Variants in MYO3A observed in about 807,000 individuals in gnomAD.
The protein encoded by MYO3A is myosin IIIA.
Under a neutral mutation model 192.7 loss-of-function variants are expected in MYO3A, and 180 were observed. The observed-to-expected ratio is 0.93, with a 90% CI of 0.83 to 1.06. The LOEUF (loss-of-function observed/expected upper bound fraction) is 1.06, where lower values mean the gene tolerates loss of function less well. Among genes scored for constraint, MYO3A ranks in the 50% least tolerant of loss-of-function variants. MYO3A has a pLI of 0.00. For missense variants in MYO3A, 1,896 were observed against 1,905.0 expected (o/e 1.00, Z 0.09); for synonymous variants, 628 against 645.3 (o/e 0.97, Z 0.41).
intron 14 of MYO3A, among the ~76,000 whole-genome samples, chr10:26,075,940 T>G (rs919165938): frequency 1.3e-5 from 2 of 151,794 alleles, no homozygotes; most frequent in Admixed American, 1.3e-4. Flanking sequence ...CGATTGTAAA[T>G]TGTGCTGCTA....
chr10:25,966,270 A>T (rs1280377705), intron 4 of MYO3A, among the ~76,000 whole-genome samples: 1 of 152,156 alleles, frequency 6.6e-6, no homozygotes, highest in Non-Finnish European at 1.5e-5. Context: ...TACAGAACTG[A>T]AGTTTATTCA....
chr10:26,010,450 GTTTTTT>G (rs778349166), intron 6 of MYO3A, among the ~76,000 whole-genome samples: 2 of 111,234 alleles, frequency 1.8e-5, no homozygotes, highest in African/African-American at 3.5e-5. Context: ...CTAAGTAGTT[GTTTTTT>G]TTTTTTTTTT....
chr10:26,068,300 A>G (rs747199997), intron 11 of MYO3A, among the ~76,000 whole-genome samples: 2 of 152,178 alleles, frequency 1.3e-5, no homozygotes, highest in Non-Finnish European at 2.9e-5. Context: ...TATGAAAATT[A>G]CATTTTAAAA....
intron 20 of MYO3A, among the ~76,000 whole-genome samples, chr10:26,129,028 G>C (rs1011877766): frequency 1.3e-5 from 2 of 152,088 alleles, no homozygotes. Context: ...TTATGAATCA[G>C]CTTCAAAAAA....
intron 29 of MYO3A, 96 bp downstream of exon 29, chr10:26,170,635 A>G: frequency 7.3e-7 from 1 of 1,368,000 alleles, no homozygotes; most frequent in Non-Finnish European, 1.0e-6. Flanking sequence ...TGTACTAGTC[A>G]GGTTCCTGAT....
At chr10:26,104,380 T>C (rs1262237467) in intron 17 of MYO3A, among the ~76,000 whole-genome samples, 5 of 152,298 alleles carry the variant, frequency 3.3e-5, no homozygotes, top group South Asian at 2.1e-4. Flanking sequence ...TATTGTGAAG[T>C]AGGGATCCAG....
chr10:26,006,773 T>C (rs1034770384), intron 6 of MYO3A, among the ~76,000 whole-genome samples: 1 of 151,168 alleles, frequency 6.6e-6, no homozygotes, highest in African/African-American at 2.4e-5. Flanking sequence ...CAGGACCAGA[T>C]GGATTCACAG....
intron 2 of MYO3A, among the ~76,000 whole-genome samples, chr10:25,944,721 A>G (rs72789921): frequency 0.045 from 6,793 of 152,044 alleles, 182 homozygotes; most frequent in Non-Finnish European, 0.065. Flanking sequence ...TCTTATAATC[A>G]TTTTTAATTC....
intron 2 of MYO3A, among the ~76,000 whole-genome samples, chr10:25,948,414 G>A (rs549352862): frequency 3.9e-5 from 6 of 152,050 alleles, no homozygotes; most frequent in African/African-American, 1.2e-4. Context: ...CAAAAATGTA[G>A]CTTTGCTAGT....
intron 10 of MYO3A, among the ~76,000 whole-genome samples, chr10:26,044,742 G>A (rs1252313299): frequency 6.6e-6 from 1 of 152,160 alleles, no homozygotes; most frequent in Non-Finnish European, 1.5e-5. Flanking sequence ...AACCAATGGG[G>A]TACATATCTG....
intron 30 of MYO3A, among the ~76,000 whole-genome samples, chr10:26,175,182 C>A (rs1024289813): frequency 6.6e-6 from 1 of 152,200 alleles, no homozygotes; most frequent in Non-Finnish European, 1.5e-5. Flanking sequence ...TTTAGGGCTT[C>A]TCATGGGTAT....
chr10:26,087,884 A>G lies in MYO3A; in HGVS notation c.1360-319A>G, dbSNP rs566852774. ...TTTGGATGGGGGCCCACGCAGGTGGAGGAGGAATAACAGAATGACAGGTGT... is the reference window on the plus strand; with the variant it reads ...TTTGGATGGGGGCCCACGCAGGTGGGGGAGGAATAACAGAATGACAGGTGT... On this transcript the variant is annotated intron_variant, in intron 14 of 34. Coordinates refer to ENST00000642920, the MANE Select transcript of MYO3A (RefSeq NM_017433.5). Among the ~76,000 whole-genome samples the G allele has an allele frequency of 8.5e-5, 13 of 152,330 alleles. No individual in the cohort carries two copies. The East Asian group carries it at 1.2e-3, about 14-fold the overall frequency.
intron 26 of MYO3A, among the ~76,000 whole-genome samples, chr10:26,163,221 C>T (rs558742335): frequency 1.9e-4 from 29 of 152,308 alleles, no homozygotes; most frequent in Admixed American, 9.8e-4. Context: ...CCTTCTCCTC[C>T]GACATTCCCA....
At chr10:25,975,097 T>C (rs563140295) in intron 4 of MYO3A, among the ~76,000 whole-genome samples, 16 of 152,244 alleles carry the variant, frequency 1.1e-4, no homozygotes, top group Non-Finnish European at 2.1e-4. Flanking sequence ...TACATATTCA[T>C]GAAGGGGAGG....
At chr10:26,200,472 C>G (rs556588512) in intron 32 of MYO3A, among the ~76,000 whole-genome samples, 1 of 152,140 alleles carries the variant, frequency 6.6e-6, no homozygotes, top group Admixed American at 6.5e-5. Flanking sequence ...AAGACAAATA[C>G]GCTGTGGCAA....
At chr10:26,143,645 G>A (rs1429198608) in intron 21 of MYO3A, 44 bp downstream of exon 21, 1 of 1,602,436 alleles carries the variant, frequency 6.2e-7, no homozygotes, top group Non-Finnish European at 8.5e-7. Context: ...TATGAATAGA[G>A]TCTTGTCATT....
chr10:26,134,423 A>G (rs1049601507), intron 20 of MYO3A, among the ~76,000 whole-genome samples: 3 of 152,200 alleles, frequency 2.0e-5, no homozygotes, highest in Non-Finnish European at 2.9e-5. Context: ...TTCAAATCAT[A>G]AATCTTATTT....
intron 4 of MYO3A, among the ~76,000 whole-genome samples, chr10:25,967,751 A>G (rs1182940679): frequency 1.3e-5 from 2 of 152,242 alleles, no homozygotes; most frequent in Non-Finnish European, 2.9e-5. Flanking sequence ...GGAATATAGA[A>G]AAAAGAACTG....
At chr10:25,942,271 G>T (rs1168873176) in intron 2 of MYO3A, among the ~76,000 whole-genome samples, 1 of 152,044 alleles carries the variant, frequency 6.6e-6, no homozygotes, top group East Asian at 1.9e-4. Context: ...AAAAGTGCTG[G>T]GATTACAGGC....
Sources: gnomAD v4.1 joint callset for allele counts (sites outside exome capture counted in the v4.1 genomes callset) on GRCh38, gnomAD v4.1.1 for gene constraint, MANE v1.5 for transcripts, NCBI Gene and HGNC (gene_info 2026-07-23, HGNC 2026-07-21) for gene names.